The following RUSF1 variants were observed in gnomAD, a reference collection of about 807,000 sequenced individuals.
The protein encoded by RUSF1 is RUS family member 1, also known as RUS1 family protein C16orf58.
A neutral mutation model predicts 63.0 loss-of-function variants in RUSF1; 58 were observed. The observed-to-expected ratio is 0.92, with a 90% confidence interval of 0.75 to 1.15. The LOEUF is 1.15. RUSF1 is among the 50% of genes most tolerant of loss of function. The probability of loss-of-function intolerance (pLI) is 0.00; values close to 1 mark genes in which losing one functional copy is unlikely to be tolerated. For missense variants in RUSF1, 652 were observed against 611.0 expected (o/e 1.07, Z -0.71); for synonymous variants, 274 against 255.8 (o/e 1.07, Z -0.68).
In RUSF1 at chr16:31,493,489, G is replaced by T; in HGVS notation, c.994C>A (p.Pro332Thr). The T allele has an allele frequency of 6.2e-7, 1 of 1,610,830 alleles. No homozygotes were observed. Among genetic ancestry groups the T allele is most frequent in the Non-Finnish European group, 8.5e-7 (1 of 1,178,508 alleles). Residue 332 changes from proline to threonine, a missense_variant, in exon 9 of 13, where the codon CCC (proline) becomes ACC (threonine). Coordinates refer to ENST00000327237, the MANE Select transcript of RUSF1 (RefSeq NM_022744.4). ...WPAPSLSLGV[P>T]LHRLVSSVFE... ...CACCTGGAGACCAAGCGGTGTAAGG[G>T]GACCCCCAGGGATAGAGACGGAGCT...
intron 2 of RUSF1, among the ~76,000 whole-genome samples, chr16:31,501,857 C>T (rs2082634549): frequency 6.6e-6 from 1 of 152,164 alleles, no homozygotes; most frequent in East Asian, 1.9e-4. Context: ...AATCACTAAA[C>T]TGTTTCTACT....
intron 2 of RUSF1, among the ~76,000 whole-genome samples, chr16:31,503,949 A>T (rs929682729): frequency 1.3e-5 from 2 of 152,238 alleles, no homozygotes; most frequent in African/African-American, 4.8e-5. Flanking sequence ...GGCGTGAGCC[A>T]CCGCACCTGG....
Position 31,499,533 on chromosome 16 carries a change from G to A in RUSF1, c.462-8C>T. The A allele has an allele frequency of 6.2e-7, 1 of 1,600,652 alleles. No homozygotes were observed. The highest frequency in any genetic ancestry group is 8.5e-7 in the Non-Finnish European group (1 of 1,173,478). Reference sequence around the variant, plus strand: ...TTGCAGTCCAGTTTGCTCCTGTTGGGGAGGAGAGGTTGTTGTAATTTGGAC... The same window carrying A: ...TTGCAGTCCAGTTTGCTCCTGTTGGAGAGGAGAGGTTGTTGTAATTTGGAC... On this transcript the variant is annotated splice_region_variant and splice_polypyrimidine_tract_variant and intron_variant, in intron 3 of 12. Transcript: ENST00000327237.
rs1178843028 is a variant in RUSF1, at chr16:31,508,281, G to A, written c.93C>T (p.Ser31=). The A allele has an allele frequency of 3.2e-6, 5 of 1,571,988 alleles. No homozygotes were observed. Among genetic ancestry groups the A allele is most frequent in the East Asian group, 2.3e-5 (1 of 42,780 alleles). The stretch of plus-strand genomic sequence containing the variant: ...GCCAGCCCCCGACCTCCCACTGCAG[G>A]CTCCCGTCCGCGGCGGCGCGGCAGC... The part of the protein sequence containing the change: ...ARGCRAAADG[S]LQWEVGGWRW... The change falls in exon 1 of 13, where the codon AGC becomes AGT. Residue 31 remains serine (S), a synonymous_variant. Transcript: ENST00000327237.
chr16:31,491,565 C>A (rs561433497), intron 12 of RUSF1, among the ~76,000 whole-genome samples: 3 of 151,492 alleles, frequency 2.0e-5, no homozygotes, highest in African/African-American at 4.8e-5. Flanking sequence ...ATCTGCCCGC[C>A]TTGGCCTCCC....
rs568015617 is a variant in RUSF1 at position 31,489,482 on chromosome 16, G to A, written c.*1353C>T. The A allele has an allele frequency of 2.7e-6, 2 of 735,138 alleles. No individual in the cohort carries two copies. Among genetic ancestry groups the A allele is most frequent in the Middle Eastern group, 3.0e-4 (1 of 3,314 alleles). 45.5% of individuals were successfully genotyped at this position (735,138 alleles called of 1,614,324 possible). A position where few individuals can be genotyped will look rare whatever the true frequency, so the allele number is the denominator to read the frequency against. ...GTCCAGCTGCAGTTGCAATTGCCGA[G>A]CAAGAATTTTTATTTAAATACATTT... On this transcript the variant is annotated 3_prime_UTR_variant, in exon 13 of 13. Coordinates refer to ENST00000327237, the MANE Select transcript of RUSF1 (RefSeq NM_022744.4).
chr16:31,497,234 A>G (rs957468466), intron 5 of RUSF1, among the ~76,000 whole-genome samples: 2 of 151,950 alleles, frequency 1.3e-5, no homozygotes, highest in Non-Finnish European at 2.9e-5. Context: ...CCAGCCCTCC[A>G]GCTCCTGCTT....
intron 2 of RUSF1, among the ~76,000 whole-genome samples, chr16:31,501,721 G>T (rs2082633968): frequency 6.6e-6 from 1 of 152,102 alleles, no homozygotes; most frequent in Admixed American, 6.5e-5. Context: ...CACAACAAAT[G>T]CTTTCTGGCT....
At position 31,508,266 on chromosome 16, in the gene RUSF1, G is replaced by T; in HGVS notation, c.108C>A (p.Val36=). The change falls in exon 1 of 13, where the codon GTC becomes GTA. Residue 36 remains valine (V), a synonymous_variant. Coordinates refer to ENST00000327237, the MANE Select transcript of RUSF1 (RefSeq NM_022744.4). ...AGAGCCCCCACCAGCGCCAGCCCCC[G>T]ACCTCCCACTGCAGGCTCCCGTCCG... The part of the protein sequence containing the change: ...AAADGSLQWE[V]GGWRWWGLSR... The T allele has an allele frequency of 1.3e-6, 2 of 1,567,724 alleles. No individual in the cohort carries two copies. Among genetic ancestry groups the T allele is most frequent in the East Asian group, 2.4e-5 (1 of 42,304 alleles).
intron 5 of RUSF1, among the ~76,000 whole-genome samples, chr16:31,498,326 A>T (rs1257459281): frequency 6.6e-6 from 1 of 152,192 alleles, no homozygotes; most frequent in African/African-American, 2.4e-5. Flanking sequence ...CTCGGTCCAT[A>T]GCTACAGCCA....
intron 2 of RUSF1, among the ~76,000 whole-genome samples, chr16:31,503,941 C>T (rs561474117): frequency 3.9e-5 from 6 of 152,314 alleles, no homozygotes; most frequent in East Asian, 1.9e-4. Flanking sequence ...GGATCATAGG[C>T]GTGAGCCACC....
At chr16:31,499,570 C>A (rs1363507547) in intron 3 of RUSF1, 45 bp from the exon 4 acceptor site, 1 of 1,528,534 alleles carries the variant, frequency 6.5e-7, no homozygotes, top group South Asian at 1.2e-5. Context: ...TAAGGAGAAA[C>A]ACATCCTATG....
At chr16:31,499,260 G>C (rs1266033321) in intron 5 of RUSF1, 42 bp downstream of exon 5, 1 of 1,529,368 alleles carries the variant, frequency 6.5e-7, no homozygotes, top group Non-Finnish European at 9.1e-7. Flanking sequence ...ACACTACCAA[G>C]GCAGGTGTTT....
At chr16:31,504,205 T>TC (rs1376275493) in intron 2 of RUSF1, among the ~76,000 whole-genome samples, 1 of 150,724 alleles carries the variant, frequency 6.6e-6, no homozygotes, top group African/African-American at 2.4e-5. Flanking sequence ...TGGCCTTTCT[T>TC]TTTTTTTTTC....
intron 3 of RUSF1, 151 bp from the exon 4 acceptor site, chr16:31,499,676 T>C (rs941818404): frequency 5.8e-6 from 4 of 693,854 alleles, no homozygotes; most frequent in African/African-American, 1.8e-5. Context: ...CGGTCACTGC[T>C]ACCTAAAATG....
chr16:31,493,026 C>A lies in RUSF1; in HGVS notation c.1039G>T (p.Val347Phe). Residue 347 changes from valine to phenylalanine, a missense_variant, in exon 10 of 13, where the codon GTT becomes TTT. By Grantham distance (50) the Val-to-Phe change is conservative. Transcript: ENST00000327237. ...VSSVFELQQL[V>F]EGHQESYLLC... ...AGGTAGGATTCTTGGTGCCCCTCAA[C>A]CAGCTGCTGCAGCTCAAAGACACTG... 3 of 1,613,924 alleles carry A rather than the reference C, an allele frequency of 1.9e-6. No individual in the cohort carries two copies. Among genetic ancestry groups the A allele is most frequent in the Non-Finnish European group, 2.5e-6 (3 of 1,179,908 alleles).
At chr16:31,496,769 T>G in intron 6 of RUSF1, 80 bp downstream of exon 6, 1 of 1,233,650 alleles carries the variant, frequency 8.1e-7, no homozygotes, top group Non-Finnish European at 1.1e-6. Context: ...TGTGTGTTCC[T>G]GGGCCCTCCA....
chr16:31,496,988 C>T (rs780491105), intron 5 of RUSF1, 38 bp from the exon 6 acceptor site: 13 of 1,515,860 alleles, frequency 8.6e-6, no homozygotes, highest in Middle Eastern at 1.7e-4. Flanking sequence ...GGCAGAGACA[C>T]GTGTCCTGGT....
chr16:31,490,788 C>A lies in RUSF1; in HGVS notation c.*47G>T. The A allele has an allele frequency of 1.3e-6, 2 of 1,597,856 alleles. No homozygotes were observed. On this transcript the variant is annotated 3_prime_UTR_variant, in exon 13 of 13. Coordinates refer to ENST00000327237, the MANE Select transcript of RUSF1 (RefSeq NM_022744.4). ...CCCTGTCCTGCTGTGGCCAAAGTGT[C>A]CTTGCTCCAGGTTCCTGCCCTGGGC...
Sources: gnomAD v4.1 joint callset for allele counts (sites outside exome capture counted in the v4.1 genomes callset) on GRCh38, gnomAD v4.1.1 for gene constraint, MANE v1.5 for transcripts, NCBI Gene and HGNC (gene_info 2026-07-23, HGNC 2026-07-21) for gene names.